THRB: variants seen among roughly 807,000 people sequenced by gnomAD.
The protein encoded by THRB is nuclear receptor subfamily 1 group A member 2.
Under a neutral mutation model 47.8 loss-of-function variants are expected in THRB, and 12 were observed. That is an observed-to-expected ratio of 0.25 (90% CI 0.16 to 0.41). THRB has a LOEUF of 0.41. Among genes scored for constraint, THRB ranks in the 10% least tolerant of loss-of-function variants. THRB has a pLI of 1.00. For synonymous variants in THRB, 218 were observed against 212.2 expected, an observed-to-expected ratio of 1.03 and a Z score of -0.24; for missense variants, 348 against 589.2, an observed-to-expected ratio of 0.59 and a Z score of 4.24.
At chr3:24,337,903 A>C (rs2062369227) in intron 1 of THRB, among the ~76,000 whole-genome samples, 1 of 152,206 alleles carries the variant, frequency 6.6e-6, no homozygotes, top group African/African-American at 2.4e-5. Flanking sequence ...GGAGCTGTCT[A>C]GATTGTGCTA....
At chr3:24,289,216 C>G (rs191980053) in intron 3 of THRB, among the ~76,000 whole-genome samples, 155 of 152,196 alleles carry the variant, frequency 1.0e-3, no homozygotes, top group Non-Finnish European at 1.8e-3. Flanking sequence ...AAATGAAACA[C>G]GTAGGATTTA....
At chr3:24,214,696 T>G (rs115581799) in intron 4 of THRB, among the ~76,000 whole-genome samples, 1,966 of 152,288 alleles carry the variant, frequency 0.013, 34 homozygotes, top group African/African-American at 0.043. Flanking sequence ...GCAAATTTAC[T>G]GCCCTTCTGG....
chr3:24,258,045 ACT>A (rs1222076337), intron 3 of THRB, among the ~76,000 whole-genome samples: 13 of 152,084 alleles, frequency 8.5e-5, no homozygotes, highest in Admixed American at 3.9e-4. Flanking sequence ...AAATCAAAAC[ACT>A]CTCTTTGTAT....
intron 5 of THRB, among the ~76,000 whole-genome samples, chr3:24,187,356 T>C (rs1487051995): frequency 6.6e-6 from 1 of 152,222 alleles, no homozygotes; most frequent in African/African-American, 2.4e-5. Flanking sequence ...CGCTTAGAAG[T>C]GCACTGGTCT....
rs1249177007 is a variant in THRB at position 24,117,915 on chromosome 3, A to T, written c.*4969T>A. 2 of 152,228 alleles carry T rather than the reference A, an allele frequency of 1.3e-5. No homozygotes were observed. The highest frequency in any genetic ancestry group is 3.8e-4 in the East Asian group (2 of 5,204). 9.4% of individuals were successfully genotyped at this position (152,228 alleles called of 1,614,324 possible). A position where few individuals can be genotyped will look rare whatever the true frequency, so the allele number is the denominator to read the frequency against. On this transcript the variant is annotated 3_prime_UTR_variant, in exon 11 of 11. Coordinates refer to ENST00000646209, the MANE Select transcript of THRB (RefSeq NM_001354712.2). The stretch of plus-strand genomic sequence containing the variant: ...AATTCCATTAGTAATATTCCTGAAT[A>T]ATTTGAGATGAGAAGATGAATGTTG...
At chr3:24,226,770 G>C (rs533239328) in intron 4 of THRB, among the ~76,000 whole-genome samples, 2 of 152,326 alleles carry the variant, frequency 1.3e-5, no homozygotes, top group African/African-American at 4.8e-5. Flanking sequence ...GGTCCACAAA[G>C]TATGGGCCAA....
chr3:24,218,989 G>A (rs1451280929), intron 4 of THRB, among the ~76,000 whole-genome samples: 1 of 152,242 alleles, frequency 6.6e-6, no homozygotes, highest in South Asian at 2.1e-4. Context: ...TTCTAAGCTC[G>A]GGCGTGGTGG....
intron 5 of THRB, among the ~76,000 whole-genome samples, chr3:24,180,561 C>G (rs2041765610): frequency 6.6e-6 from 1 of 152,206 alleles, no homozygotes. Flanking sequence ...TGGAGAATAG[C>G]TCTGGACCTT....
chr3:24,245,339 A>G (rs1275710591), intron 3 of THRB, among the ~76,000 whole-genome samples: 4 of 152,238 alleles, frequency 2.6e-5, no homozygotes, highest in South Asian at 2.1e-4. Flanking sequence ...CAAGGTGCAC[A>G]TCACTCAGCT....
At chr3:24,413,288 C>T (rs1403836872) in intron 1 of THRB, among the ~76,000 whole-genome samples, 1 of 151,752 alleles carries the variant, frequency 6.6e-6, no homozygotes, top group South Asian at 2.1e-4. Context: ...TCTTGTGTTA[C>T]AATATGAGGT....
intron 1 of THRB, among the ~76,000 whole-genome samples, chr3:24,433,882 A>G (rs77653085): frequency 0.02 from 3,075 of 152,292 alleles, 106 homozygotes; most frequent in African/African-American, 0.068. Flanking sequence ...ATTCACAGCC[A>G]TAACGCTGAG....
intron 5 of THRB, among the ~76,000 whole-genome samples, chr3:24,178,776 G>A (rs2041509087): frequency 6.6e-6 from 1 of 151,982 alleles, no homozygotes; most frequent in Admixed American, 6.6e-5. Flanking sequence ...CAGCGGGGAG[G>A]GTAGGTAGAA....
At chr3:24,325,196 G>T (rs2058726898) in intron 2 of THRB, among the ~76,000 whole-genome samples, 1 of 152,184 alleles carries the variant, frequency 6.6e-6, no homozygotes, top group African/African-American at 2.4e-5. Flanking sequence ...TGCTGGGGGA[G>T]AAAGGTTAAG....
At chr3:24,470,649 C>T (rs1056802377) in intron 1 of THRB, among the ~76,000 whole-genome samples, 3 of 152,170 alleles carry the variant, frequency 2.0e-5, no homozygotes, top group Non-Finnish European at 4.4e-5. Context: ...CAGAGTGTCA[C>T]TTCTTCTCCC....
At position 24,436,590 on chromosome 3, in the gene THRB, A is replaced by G. The variant is rs373238048; in HGVS notation, c.-261+58062T>C. 1.2e-4 allele frequency among the ~76,000 whole-genome samples: 19 copies of G among 152,168 alleles called. 2 individuals carry two copies. The highest frequency in any genetic ancestry group is 1.2e-3 in the East Asian group (6 of 5,188). The stretch of plus-strand genomic sequence containing the variant: ...ATGAGTGCTTTTTAGCTTTCCTCTG[A>G]GCCTGACCGTCGAAAATAATTCAAG... On this transcript the variant is annotated intron_variant, in intron 1 of 10. Coordinates refer to ENST00000646209, the MANE Select transcript of THRB (RefSeq NM_001354712.2).
At chr3:24,168,014 C>T (rs987203286) in intron 5 of THRB, among the ~76,000 whole-genome samples, 1 of 152,084 alleles carries the variant, frequency 6.6e-6, no homozygotes, top group Admixed American at 6.6e-5. Flanking sequence ...TGAATTCCCT[C>T]AGAAATCTTT....
chr3:24,439,393 G>A (rs1396498684), intron 1 of THRB, among the ~76,000 whole-genome samples: 3 of 152,122 alleles, frequency 2.0e-5, no homozygotes, highest in Non-Finnish European at 4.4e-5. Context: ...GTCTAATTTA[G>A]AGCCGGACGC....
intron 1 of THRB, among the ~76,000 whole-genome samples, chr3:24,341,232 T>TA (rs34988320): frequency 2.8e-5 from 1 of 35,768 alleles, no homozygotes; most frequent in Non-Finnish European, 5.1e-5. Flanking sequence ...TGAGATTACC[T>TA]TTTTTTTTTT....
chr3:24,264,221 C>T (rs925365333), intron 3 of THRB, among the ~76,000 whole-genome samples: 1 of 152,050 alleles, frequency 6.6e-6, no homozygotes, highest in African/African-American at 2.4e-5. Flanking sequence ...TGCCTCAGGA[C>T]CTTTGAACAT....
Sources: allele counts gnomAD v4.1 joint callset (sites outside exome capture counted in the v4.1 genomes callset), GRCh38; gene constraint gnomAD v4.1.1; transcripts MANE v1.5; gene names NCBI Gene and HGNC (gene_info 2026-07-23, HGNC 2026-07-21).